Variants in EHBP1 observed in about 807,000 individuals in gnomAD.
EHBP1 encodes the protein EH domain binding protein 1.
Under a neutral mutation model 144.0 loss-of-function variants are expected in EHBP1, and 55 were observed. That is an observed-to-expected ratio of 0.38 (90% CI 0.31 to 0.48). The LOEUF is 0.48. Among genes scored for constraint, EHBP1 ranks in the 20% least tolerant of loss-of-function variants. The pLI is 0.98. For synonymous variants in EHBP1, 469 were observed against 472.7 expected (o/e 0.99, Z 0.10); for missense variants, 1,200 against 1,364.2 (o/e 0.88, Z 1.90).
intron 7 of EHBP1, among the ~76,000 whole-genome samples, chr2:62,851,311 C>A (rs559348698): frequency 6.6e-6 from 1 of 152,182 alleles, no homozygotes; most frequent in Non-Finnish European, 1.5e-5. Flanking sequence ...CATTTCCTAT[C>A]GCTGGCATCT....
intron 5 of EHBP1, among the ~76,000 whole-genome samples, chr2:62,784,779 G>A (rs977342028): frequency 2.6e-5 from 4 of 152,138 alleles, no homozygotes; most frequent in African/African-American, 9.7e-5. Flanking sequence ...TACTCATCTT[G>A]GGTAAGACTA....
chr2:62,724,123 T>TA (rs2036513234), intron 2 of EHBP1, among the ~76,000 whole-genome samples: 2 of 152,214 alleles, frequency 1.3e-5, no homozygotes, highest in Non-Finnish European at 2.9e-5. Context: ...AGTCATAGAT[T>TA]TGGTCTCTTC....
intron 19 of EHBP1, among the ~76,000 whole-genome samples, chr2:63,014,026 A>G (rs751565833): frequency 3.9e-5 from 6 of 152,222 alleles, no homozygotes; most frequent in Non-Finnish European, 8.8e-5. Flanking sequence ...GCAGCATTCT[A>G]CATAAAAGGC....
At chr2:62,725,638 G>T (rs2036699174) in intron 2 of EHBP1, among the ~76,000 whole-genome samples, 1 of 152,204 alleles carries the variant, frequency 6.6e-6, no homozygotes, top group African/African-American at 2.4e-5. Context: ...GGATGGCTCT[G>T]TGCCTGCCGA....
intron 19 of EHBP1, among the ~76,000 whole-genome samples, chr2:62,999,116 A>C (rs2059751664): frequency 6.6e-6 from 1 of 152,126 alleles, no homozygotes; most frequent in Non-Finnish European, 1.5e-5. Context: ...TTATATGATG[A>C]GACTGAGGCT....
In EHBP1 at chr2:62,792,413, A is replaced by G. The variant is rs991188584; in HGVS notation, c.312+21021A>G. On this transcript the variant is annotated intron_variant, in intron 5 of 22. Coordinates refer to ENST00000431489, the MANE Select transcript of EHBP1 (RefSeq NM_001142616.3). Reference sequence around the variant, plus strand: ...CCAGAGTCAGATGTATTAGTGGTTCATATTCTCGTTTTCAAAACATCTTGT... The same window carrying G: ...CCAGAGTCAGATGTATTAGTGGTTCGTATTCTCGTTTTCAAAACATCTTGT... Among the ~76,000 whole-genome samples the G allele has an allele frequency of 7.2e-5, 11 of 152,166 alleles. No individual in the cohort carries two copies. The South Asian group carries it at 2.3e-3, about 32-fold the overall frequency.
At chr2:62,679,760 T>G (rs2033445935) in intron 1 of EHBP1, among the ~76,000 whole-genome samples, 1 of 152,196 alleles carries the variant, frequency 6.6e-6, no homozygotes, top group South Asian at 2.1e-4. Context: ...TAGACAAAGA[T>G]TTGGATCATT....
At chr2:62,695,723 T>G (rs1346266193) in intron 1 of EHBP1, among the ~76,000 whole-genome samples, 1 of 152,182 alleles carries the variant, frequency 6.6e-6, no homozygotes, top group Non-Finnish European at 1.5e-5. Context: ...TTATTTTTAT[T>G]TATTTTTGAA....
intron 5 of EHBP1, among the ~76,000 whole-genome samples, chr2:62,820,740 ATAT>A (rs1558730699): frequency 1.3e-3 from 45 of 33,466 alleles, no homozygotes; most frequent in East Asian, 5.0e-3. Context: ...TGTGTATAAT[ATAT>A]ATATATATAT....
intron 1 of EHBP1, among the ~76,000 whole-genome samples, chr2:62,698,276 G>A (rs2034169115): frequency 6.6e-6 from 1 of 152,190 alleles, no homozygotes; most frequent in South Asian, 2.1e-4. Context: ...GTTATGTGAA[G>A]AAACATGCAC....
chr2:62,906,943 G>C (rs749653818), intron 10 of EHBP1, among the ~76,000 whole-genome samples: 1 of 152,084 alleles, frequency 6.6e-6, no homozygotes, highest in Non-Finnish European at 1.5e-5. Context: ...TAATTATTTG[G>C]AGATTCATCT....
intron 19 of EHBP1, among the ~76,000 whole-genome samples, chr2:63,004,011 CT>C (rs2059939979): frequency 6.6e-6 from 1 of 151,974 alleles, no homozygotes; most frequent in African/African-American, 2.4e-5. Context: ...TAAACTGACT[CT>C]TTAAAATTTT....
At chr2:62,832,722 G>T (rs746563922) in intron 7 of EHBP1, among the ~76,000 whole-genome samples, 9 of 152,088 alleles carry the variant, frequency 5.9e-5, no homozygotes, top group Non-Finnish European at 1.2e-4. Context: ...TTAATCAAGT[G>T]TGTTCTGACT....
At chr2:62,987,365 G>A (rs955167706) in intron 15 of EHBP1, among the ~76,000 whole-genome samples, 1 of 151,948 alleles carries the variant, frequency 6.6e-6, no homozygotes, top group African/African-American at 2.4e-5. Flanking sequence ...TGTCTTAGTT[G>A]TTTTTGAATT....
chr2:62,756,768 CAAAAA>C (rs34717027), intron 3 of EHBP1, among the ~76,000 whole-genome samples: 6 of 76,640 alleles, frequency 7.8e-5, no homozygotes, highest in Admixed American at 4.3e-4. Context: ...AACTCTATCT[CAAAAA>C]AAAAAAAAAA....
In EHBP1 at chr2:62,953,105, T is replaced by C. The variant is rs768370044; in HGVS notation, c.2317-2412T>C. On this transcript the variant is annotated intron_variant, in intron 13 of 22. Coordinates refer to ENST00000431489, the MANE Select transcript of EHBP1 (RefSeq NM_001142616.3). The stretch of plus-strand genomic sequence containing the variant: ...GGTGGCACATGCCTGTAATCCCAGC[T>C]ACTCGGGAGGCTGAGGCAGGAGAAT... Among the ~76,000 whole-genome samples, 138 of 150,660 alleles carry C rather than the reference T, an allele frequency of 9.2e-4. 2 individuals are homozygous for C. The highest frequency in any genetic ancestry group is 3.6e-3 in the Middle Eastern group (1 of 276).
At chr2:62,867,153 G>T (rs1313174104) in intron 9 of EHBP1, among the ~76,000 whole-genome samples, 1 of 151,946 alleles carries the variant, frequency 6.6e-6, no homozygotes, top group African/African-American at 2.4e-5. Flanking sequence ...AATCTCTCTG[G>T]TAGATAATTG....
chr2:62,794,011 T>C (rs1014529975), intron 5 of EHBP1, among the ~76,000 whole-genome samples: 1 of 152,130 alleles, frequency 6.6e-6, no homozygotes, highest in Non-Finnish European at 1.5e-5. Flanking sequence ...TTATCTTTGC[T>C]CTCCTAATTT....
At chr2:62,797,472 T>A (rs1029949731) in intron 5 of EHBP1, among the ~76,000 whole-genome samples, 1 of 152,268 alleles carries the variant, frequency 6.6e-6, no homozygotes, top group Non-Finnish European at 1.5e-5. Flanking sequence ...ATTTAAGGCT[T>A]TAGTTCTCAA....
Sources: allele counts gnomAD v4.1 joint callset (sites outside exome capture counted in the v4.1 genomes callset), GRCh38; gene constraint gnomAD v4.1.1; transcripts MANE v1.5; gene names NCBI Gene and HGNC (gene_info 2026-07-23, HGNC 2026-07-21).